Variants in PHF10 observed in about 807,000 individuals in gnomAD.
PHF10 encodes BRG1-associated factor 45a.
A neutral mutation model predicts 68.5 loss-of-function variants in PHF10; 51 were observed. That is an observed-to-expected ratio of 0.74 (90% confidence interval 0.59 to 0.94). The LOEUF (loss-of-function observed/expected upper bound fraction) is 0.94, where lower values mean the gene tolerates loss of function less well. PHF10 is among the 40% of genes least tolerant of loss of function. The pLI, the probability that PHF10 is intolerant of heterozygous loss-of-function variation, is 0.00. For missense variants in PHF10, 460 were observed against 602.6 expected (o/e 0.76, Z 2.48); for synonymous variants, 204 against 203.5 (o/e 1.00, Z -0.02).
At chr6:169,711,079 A>C (rs1788917334) in intron 8 of PHF10, among the ~76,000 whole-genome samples, 1 of 152,206 alleles carries the variant, frequency 6.6e-6, no homozygotes, top group African/African-American at 2.4e-5. Flanking sequence ...CCTCCCTGAT[A>C]AACACACACT....
rs999954332 is a variant in PHF10 at position 169,714,801 on chromosome 6, T to G, written c.735A>C (p.Thr245=). 1.2e-5 allele frequency: 20 copies of G among 1,606,684 alleles called. No individual in the cohort carries two copies. Among genetic ancestry groups the G allele is most frequent in the Non-Finnish European group, 1.6e-5 (19 of 1,173,220 alleles). Residue 245 remains threonine (T), a synonymous_variant, in exon 7 of 12, where the codon ACA becomes ACC. Coordinates refer to ENST00000339209, the MANE Select transcript of PHF10 (RefSeq NM_018288.4). ...VPQGKYKVLP[T]ERTKVSSYPV... ...GGTAAGAACTGACCTTTGTTCGCTC[T>G]GTTGGCAAAACTTTGTACTTCCCTT...
chr6:169,717,740 A>C, intron 4 of PHF10, 83 bp downstream of exon 4: 1 of 623,098 alleles, frequency 1.6e-6, no homozygotes, highest in Non-Finnish European at 2.8e-6. Context: ...ATTTTGTAAA[A>C]TATTTTAGGA....
At chr6:169,716,445 T>A (rs973763271) in intron 4 of PHF10, among the ~76,000 whole-genome samples, 1 of 151,142 alleles carries the variant, frequency 6.6e-6, no homozygotes, top group African/African-American at 2.4e-5. Flanking sequence ...TAAAAAAAAA[T>A]TCAACATATT....
chr6:169,706,744 AC>A (rs1788807557), intron 9 of PHF10, among the ~76,000 whole-genome samples: 1 of 125,924 alleles, frequency 7.9e-6, no homozygotes, highest in East Asian at 2.9e-4. Flanking sequence ...ACACACACAC[AC>A]ACACACACAC....
intron 9 of PHF10, chr6:169,708,785 A>T (rs1788863898): frequency 6.6e-6 from 1 of 152,154 alleles, no homozygotes; most frequent in Non-Finnish European, 1.5e-5. Context: ...TGTTGCAAAG[A>T]TCTACTTAGC....
rs1046822948 is a variant in PHF10 at position 169,723,991 on chromosome 6, C to G, written c.-60G>C. 1 of 383,458 alleles carries G rather than the reference C, an allele frequency of 2.6e-6. No individual in the cohort carries two copies. Among genetic ancestry groups the G allele is most frequent in the East Asian group, 1.7e-4 (1 of 5,910 alleles). The allele number at this position is 383,458 out of a possible 1,614,324, so 23.8% of individuals were successfully genotyped here. ...CGCCTCCGCCTTGTCCCGGCCGCCG[C>G]CGCCGCTGCCGCCGCCGCCGCCGCC... On this transcript the variant is annotated 5_prime_UTR_variant, in exon 1 of 12. Coordinates refer to ENST00000339209, the MANE Select transcript of PHF10 (RefSeq NM_018288.4).
chr6:169,706,727 TACACACACACAC>T (rs55829134), intron 9 of PHF10, among the ~76,000 whole-genome samples: 6,508 of 127,408 alleles, frequency 0.051, 238 homozygotes, highest in African/African-American at 0.099. Flanking sequence ...CATACATACA[TACACACACACAC>T]ACACACACAC....
At chr6:169,705,766 CT>C in intron 9 of PHF10, 42 bp from the exon 10 acceptor site, 1 of 961,028 alleles carries the variant, frequency 1.0e-6, no homozygotes, top group Non-Finnish European at 1.7e-6. Context: ...GCCAGAAGAG[CT>C]TACTATGGGT....
chr6:169,706,394 A>T (rs1585297076), intron 9 of PHF10, among the ~76,000 whole-genome samples: 1 of 152,296 alleles, frequency 6.6e-6, no homozygotes, highest in South Asian at 2.1e-4. Context: ...AAAAGGGAAA[A>T]ATAAGTTTTC....
Position 169,714,701 on chromosome 6 carries a change from C to T in PHF10, c.803+32G>A, listed in dbSNP as rs773189113. The T allele has an allele frequency of 6.4e-6, 7 of 1,100,014 alleles. No homozygotes were observed. The Admixed American group carries it at 6.8e-5, about 11-fold the overall frequency. 68.1% of individuals were successfully genotyped at this position (1,100,014 alleles called of 1,614,324 possible). On this transcript the variant is annotated intron_variant, in intron 7 of 11. Transcript: ENST00000339209. ...GGCTCTGAAACCCCTTACCAATAGCCGATACCAACTGTAACTAAAACTACT... is the reference window on the plus strand; with the variant it reads ...GGCTCTGAAACCCCTTACCAATAGCTGATACCAACTGTAACTAAAACTACT...
rs755041041 is a variant in PHF10, at chr6:169,715,664, G to C, written c.693+44C>G. On this transcript the variant is annotated intron_variant, in intron 6 of 11. Transcript: ENST00000339209. ...GGTGATGGGCACTCTGCAATAACAA[G>C]TAATAAACTAAGTTCAGGGGGTACT... is the stretch of plus-strand genomic sequence containing the variant. The C allele has an allele frequency of 4.6e-6, 7 of 1,538,276 alleles. No individual in the cohort carries two copies. In the South Asian group the frequency reaches 7.9e-5, roughly 17 times the overall value.
chr6:169,712,617 G>A, intron 7 of PHF10, 78 bp from the exon 8 acceptor site: 2 of 1,253,128 alleles, frequency 1.6e-6, no homozygotes, highest in Non-Finnish European at 2.2e-6. Flanking sequence ...TATGAAGATA[G>A]CCTTAAACTT....
intron 3 of PHF10, among the ~76,000 whole-genome samples, chr6:169,718,379 C>T (rs936536407): frequency 2.0e-5 from 3 of 152,130 alleles, no homozygotes; most frequent in Non-Finnish European, 2.9e-5. Context: ...AAATGAAACA[C>T]AGCCAGGCGT....
chr6:169,719,958 A>T (rs1237904568), intron 2 of PHF10, among the ~76,000 whole-genome samples: 2 of 149,564 alleles, frequency 1.3e-5, no homozygotes, highest in African/African-American at 2.5e-5. Flanking sequence ...AAATATATTT[A>T]AAAAGCTCCT....
intron 4 of PHF10, 117 bp from the exon 5 acceptor site, chr6:169,716,205 C>G (rs1031048777): frequency 1.7e-5 from 9 of 527,616 alleles, no homozygotes; most frequent in Non-Finnish European, 2.9e-5. Flanking sequence ...TTTCCAATAG[C>G]CAAAGCAAAA....
chr6:169,720,711 A>G (rs1789155659), intron 2 of PHF10, among the ~76,000 whole-genome samples: 1 of 152,176 alleles, frequency 6.6e-6, no homozygotes, highest in Non-Finnish European at 1.5e-5. Context: ...AGTTTTGGAA[A>G]TGGATGGTGG....
chr6:169,710,078 TA>T, intron 9 of PHF10, 157 bp downstream of exon 9: 1 of 513,408 alleles, frequency 1.9e-6, no homozygotes, highest in Non-Finnish European at 3.5e-6. Context: ...ACCAAGGAAA[TA>T]AAGCAAAAAA....
In PHF10 at chr6:169,705,771, T is replaced by C. The variant is rs746568728; in HGVS notation, c.1114-47A>G. Reference sequence around the variant, plus strand: ...ATAAATTCATGCCAGAAGAGCTTACTATGGGTTTAAAAGGAATTCTGTTAC... The same window carrying C: ...ATAAATTCATGCCAGAAGAGCTTACCATGGGTTTAAAAGGAATTCTGTTAC... On this transcript the variant is annotated intron_variant, in intron 9 of 11. Transcript: ENST00000339209. 6.4e-6 allele frequency: 6 copies of C among 934,468 alleles called. No homozygotes were observed. In the East Asian group the frequency reaches 1.4e-4, roughly 22 times the overall value. The allele number at this position is 934,468 out of a possible 1,614,324, so 57.9% of individuals were successfully genotyped here. A position where few individuals can be genotyped will look rare whatever the true frequency, so the allele number is the denominator to read the frequency against.
In PHF10 at chr6:169,705,620, A is replaced by G. The variant is rs771642444; in HGVS notation, c.1218T>C (p.Asn406=). Residue 406 remains asparagine (N), a synonymous_variant, in exon 10 of 12, where the codon AAT becomes AAC. Transcript: ENST00000339209. ...ESLIHCSQCE[N]SGHPSCLDMT... Reference sequence around the variant, plus strand: ...AAAAGACATTTCAATACTTACCACTATTCTCACATTGGGAGCAGTGTATAA... The same window carrying G: ...AAAAGACATTTCAATACTTACCACTGTTCTCACATTGGGAGCAGTGTATAA... 2 of 1,385,502 alleles carry G rather than the reference A, an allele frequency of 1.4e-6. No individual in the cohort carries two copies. Among genetic ancestry groups the G allele is most frequent in the Non-Finnish European group, 2.1e-6 (2 of 971,828 alleles). The allele number at this position is 1,385,502 out of a possible 1,614,324, so 85.8% of individuals were successfully genotyped here. A position where few individuals can be genotyped will look rare whatever the true frequency, so the allele number is the denominator to read the frequency against.
Sources: gnomAD v4.1 joint callset for allele counts (sites outside exome capture counted in the v4.1 genomes callset) on GRCh38, gnomAD v4.1.1 for gene constraint, MANE v1.5 for transcripts, NCBI Gene and HGNC (gene_info 2026-07-23, HGNC 2026-07-21) for gene names.